Variants in PTGFRN observed in about 807,000 individuals in gnomAD.
PTGFRN encodes prostaglandin F2 receptor inhibitor, also known as prostaglandin F2 receptor negative regulator.
In PTGFRN, 35 loss-of-function variants were observed where a neutral mutation model predicts 83.2. The ratio of observed to expected loss-of-function variants is 0.42; its 90% CI spans 0.32 to 0.56. PTGFRN has a LOEUF of 0.56. PTGFRN is among the 20% of genes least tolerant of loss of function. The probability of loss-of-function intolerance (pLI) is 0.11; values close to 1 mark genes in which losing one functional copy is unlikely to be tolerated. For missense variants in PTGFRN, 1,051 were observed against 1,179.5 expected, an observed-to-expected ratio of 0.89 and a Z score of 1.60; for synonymous variants, 519 against 498.6, an observed-to-expected ratio of 1.04 and a Z score of -0.55.
rs539326985 is a variant in PTGFRN at position 116,961,604 on chromosome 1, C to T, written c.1575C>T (p.Asn525=). 2 of 1,614,166 alleles carry T rather than the reference C, an allele frequency of 1.2e-6. No individual in the cohort carries two copies. Among genetic ancestry groups the T allele is most frequent in the Admixed American group, 3.3e-5 (2 of 60,022 alleles). ...CVVSAWTKQR[N]NSWVKSKDVF... is the part of the protein sequence containing the mutation. ...TGTCTGCCTGGACCAAACAGCGGAA[C>T]AACAGCTGGGTGAAAAGCAAGGATG... The change falls in exon 5 of 9, where the codon AAC becomes AAT. Residue 525 remains asparagine (N), a synonymous_variant. Transcript: ENST00000393203. This position sits in a 1 kb window ranked among gnomAD's most constrained non-coding sequence, Gnocchi z 5.4.
intron 7 of PTGFRN, among the ~76,000 whole-genome samples, chr1:116,978,658 G>A (rs914567447): frequency 2.5e-4 from 38 of 152,292 alleles, no homozygotes; most frequent in African/African-American, 8.7e-4. Context: ...AAAGGCCTTT[G>A]ACAAAATTCA....
rs964364184 is a variant in PTGFRN, at chr1:116,958,393, A to G, written c.1214-2850A>G. On this transcript the variant is annotated intron_variant, in intron 4 of 8. Coordinates refer to ENST00000393203, the MANE Select transcript of PTGFRN (RefSeq NM_020440.4). The surrounding 1 kb of genome is among the most constrained non-coding windows in gnomAD (Gnocchi z 4.9). Reference sequence around the variant, plus strand: ...TTAGAAAATATGAAGTTTAGAAGACAGTAGGTTTGGTTCATCTGTGAGCTA... The same window carrying G: ...TTAGAAAATATGAAGTTTAGAAGACGGTAGGTTTGGTTCATCTGTGAGCTA... 6.6e-6 allele frequency among the ~76,000 whole-genome samples: 1 copy of G among 152,200 alleles called. No individual in the cohort carries two copies. The highest frequency in any genetic ancestry group is 2.1e-4 in the South Asian group (1 of 4,828).
At chr1:116,929,822 T>A (rs2101056436) in intron 1 of PTGFRN, among the ~76,000 whole-genome samples, 1 of 152,322 alleles carries the variant, frequency 6.6e-6, no homozygotes, top group South Asian at 2.1e-4. Flanking sequence ...ACTGACTGGC[T>A]GACTTTGCAG....
rs577574117 is a variant in PTGFRN, at chr1:116,936,225, T to C, written c.50-5490T>C. The stretch of plus-strand genomic sequence containing the variant: ...TTTCCAAGTTATATTTATTTTTAAA[T>C]ATCATTAGCTGTTATTTAACAATAT... On this transcript the variant is annotated intron_variant, in intron 1 of 8. Transcript: ENST00000393203. Among the ~76,000 whole-genome samples the C allele has an allele frequency of 1.1e-3, 130 of 123,730 alleles. 1 individual carries two copies. Among genetic ancestry groups the C allele is most frequent in the African/African-American group, 3.2e-3 (120 of 37,780 alleles). The allele number at this position is 123,730 out of a possible 152,430, so 81.2% of individuals were successfully genotyped here.
Position 116,987,188 on chromosome 1 carries a change from G to A in PTGFRN, c.*221G>A. On this transcript the variant is annotated 3_prime_UTR_variant, in exon 9 of 9. Transcript: ENST00000393203. ...CACGGCACTTTCTGATGTAACAATCGAGTGTGTGTTTTCCCAACTGCAGCT... is the reference window on the plus strand; with the variant it reads ...CACGGCACTTTCTGATGTAACAATCAAGTGTGTGTTTTCCCAACTGCAGCT... The A allele has an allele frequency of 1.9e-6, 1 of 515,500 alleles. No individual in the cohort carries two copies. 31.9% of individuals were successfully genotyped at this position (515,500 alleles called of 1,614,324 possible). A position where few individuals can be genotyped will look rare whatever the true frequency, so the allele number is the denominator to read the frequency against.
At chr1:116,919,467 A>G (rs1649487064) in intron 1 of PTGFRN, among the ~76,000 whole-genome samples, 1 of 152,044 alleles carries the variant, frequency 6.6e-6, no homozygotes, top group African/African-American at 2.4e-5. Flanking sequence ...TTGCAGTCAT[A>G]GCCCACTGCA....
intron 3 of PTGFRN, among the ~76,000 whole-genome samples, chr1:116,946,824 T>C (rs1324423245): frequency 6.6e-6 from 1 of 152,204 alleles, no homozygotes; most frequent in Non-Finnish European, 1.5e-5. Flanking sequence ...GCAAATTGAT[T>C]TTGTAGTAAT....
intron 7 of PTGFRN, among the ~76,000 whole-genome samples, chr1:116,976,956 A>G (rs760406807): frequency 6.6e-6 from 1 of 152,208 alleles, no homozygotes; most frequent in Non-Finnish European, 1.5e-5. Flanking sequence ...AAGACCCATC[A>G]GTGTGCTATA....
At chr1:116,957,705 A>G (rs1001706046) in intron 4 of PTGFRN, among the ~76,000 whole-genome samples, 4 of 152,160 alleles carry the variant, frequency 2.6e-5, no homozygotes, top group Non-Finnish European at 5.9e-5. Flanking sequence ...ATGTTGTACA[A>G]TAGATTTCTG....
chr1:116,979,261 G>A (rs530533329), intron 7 of PTGFRN, among the ~76,000 whole-genome samples: 6 of 152,268 alleles, frequency 3.9e-5, no homozygotes, highest in South Asian at 2.1e-4. Context: ...CTCATGGATA[G>A]GAAGAATCAA....
intron 5 of PTGFRN, among the ~76,000 whole-genome samples, chr1:116,966,704 T>C (rs1403885775): frequency 6.6e-6 from 1 of 152,258 alleles, no homozygotes. Flanking sequence ...CACCCACTGA[T>C]TCATTTCAGA....
In PTGFRN at chr1:116,952,560, A is replaced by C. The variant is rs1246464904; in HGVS notation, c.1213+2988A>C. The stretch of plus-strand genomic sequence containing the variant: ...TCAAAAGGGTAAAAGAAGAATAGAT[A>C]TTGCAAGGTGGTTGGTATGAATTAG... On this transcript the variant is annotated intron_variant, in intron 4 of 8. Transcript: ENST00000393203. This position sits in a 1 kb window ranked among gnomAD's most constrained non-coding sequence, Gnocchi z 4.0. Among the ~76,000 whole-genome samples, 14 of 151,046 alleles carry C rather than the reference A, an allele frequency of 9.3e-5. No individual in the cohort carries two copies. Among genetic ancestry groups the C allele is most frequent in the Admixed American group, 9.2e-4 (14 of 15,186 alleles).
intron 5 of PTGFRN, among the ~76,000 whole-genome samples, chr1:116,962,122 G>A (rs1378760547): frequency 1.3e-5 from 2 of 152,136 alleles, no homozygotes; most frequent in Non-Finnish European, 2.9e-5. Flanking sequence ...CAGCTTCCAG[G>A]TCGTTTTCGC....
chr1:116,922,995 G>A (rs937449203), intron 1 of PTGFRN, among the ~76,000 whole-genome samples: 7 of 152,160 alleles, frequency 4.6e-5, no homozygotes, highest in African/African-American at 9.7e-5. Context: ...GAGCGCTGCC[G>A]CCTACAGCAT....
intron 1 of PTGFRN, among the ~76,000 whole-genome samples, chr1:116,920,818 T>C (rs1356415718): frequency 6.6e-6 from 1 of 152,126 alleles, no homozygotes; most frequent in South Asian, 2.1e-4. Flanking sequence ...GAGACGGGGC[T>C]TCACCATGTT....
intron 1 of PTGFRN, among the ~76,000 whole-genome samples, chr1:116,929,427 G>T (rs12078461): frequency 3.3e-5 from 5 of 152,068 alleles, no homozygotes; most frequent in African/African-American, 4.8e-5. Context: ...AGGCTCTATC[G>T]TTTTCTCGTT....
chr1:116,929,876 T>C (rs1240311064), intron 1 of PTGFRN, among the ~76,000 whole-genome samples: 1 of 152,166 alleles, frequency 6.6e-6, no homozygotes, highest in African/African-American at 2.4e-5. Context: ...TTCATGGTTG[T>C]GCCTTCTCTT....
Position 116,966,968 on chromosome 1 carries a change from C to T in PTGFRN, c.1697C>T (p.Thr566Ile), listed in dbSNP as rs776178125. ...AAGCCTTTCTTTGCTGCCGGAAATACATTTGAGATGACTTGCAAAGTATCT... is the reference window on the plus strand; with the variant it reads ...AAGCCTTTCTTTGCTGCCGGAAATATATTTGAGATGACTTGCAAAGTATCT... ...QPKPFFAAGNTFEMTCKVSSK... is the reference protein window; with the variant it reads ...QPKPFFAAGNIFEMTCKVSSK... The change falls in exon 6 of 9, where the codon ACA becomes ATA. Residue 566 changes from threonine to isoleucine, a missense_variant. Around this residue, in one of 3 missense-constraint regions of PTGFRN, gnomAD observed 719 missense variants for 836.6 expected, o/e 0.86. Transcript: ENST00000393203. The T allele has an allele frequency of 5.6e-6, 9 of 1,613,418 alleles. No homozygotes were observed. The highest frequency in any genetic ancestry group is 7.6e-6 in the Non-Finnish European group (9 of 1,179,558).
intron 1 of PTGFRN, among the ~76,000 whole-genome samples, chr1:116,929,212 C>T (rs935801523): frequency 3.3e-5 from 5 of 152,194 alleles, no homozygotes; most frequent in Non-Finnish European, 7.3e-5. Context: ...TTCAAAAAGT[C>T]AGTTTGTCTT....
Sources: allele counts gnomAD v4.1 joint callset (sites outside exome capture counted in the v4.1 genomes callset), GRCh38; gene constraint gnomAD v4.1.1; regional missense constraint gnomAD v4.1.1; non-coding constraint Gnocchi (gnomAD v3.1); transcripts MANE v1.5; gene names NCBI Gene and HGNC (gene_info 2026-07-23, HGNC 2026-07-21).